The following CDKL5 variants were observed in gnomAD, a reference collection of about 807,000 sequenced individuals.
The protein encoded by CDKL5 is cyclin dependent kinase like 5.
CDKL5 carries 8 observed loss-of-function variants against 61.7 expected under a neutral mutation model. That is an observed-to-expected ratio of 0.13 (90% confidence interval 0.08 to 0.23). The LOEUF is 0.23. Among genes scored for constraint, CDKL5 ranks in the 10% least tolerant of loss-of-function variants. The probability of loss-of-function intolerance (pLI) is 1.00; values close to 1 mark genes in which losing one functional copy is unlikely to be tolerated. For missense variants in CDKL5, 440 were observed against 734.5 expected (o/e 0.60, Z 4.63); for synonymous variants, 275 against 272.3 (o/e 1.01, Z -0.10).
At chrX:18,432,963 C>T in intron 1 of CDKL5, among the ~76,000 whole-genome samples, 1 of 112,054 alleles carries the variant, frequency 8.9e-6, no homozygotes, top group Non-Finnish European at 1.9e-5. Context: ...GTGGGTGGCT[C>T]ACGCCTGTAA....
At chrX:18,555,404 A>G (rs955070788) in intron 3 of CDKL5, among the ~76,000 whole-genome samples, 2 of 112,403 alleles carry the variant, frequency 1.8e-5, no homozygotes, top group Non-Finnish European at 3.8e-5. Context: ...GCACAAAACG[A>G]TACAATTTAT....
At chrX:18,577,649 T>C (rs1261530366) in intron 5 of CDKL5, among the ~76,000 whole-genome samples, 1 of 111,778 alleles carries the variant, frequency 8.9e-6, no homozygotes, top group Non-Finnish European at 1.9e-5. Context: ...GGCCAGGACA[T>C]AGTTGCATGA....
chrX:18,607,986 A>G (rs1926418572), intron 12 of CDKL5, among the ~76,000 whole-genome samples: 1 of 112,141 alleles, frequency 8.9e-6, no homozygotes, highest in African/African-American at 3.2e-5. Context: ...GCTTAAGGTA[A>G]TGCCCTTTTC....
At chrX:18,609,426 T>G in intron 13 of CDKL5, 39 bp from the exon 14 acceptor site, 1 of 1,211,219 alleles carries the variant, frequency 8.3e-7, no homozygotes, top group Non-Finnish European at 1.1e-6. Context: ...TTGTCATCAA[T>G]GTGTGGCTTA....
intron 16 of CDKL5, among the ~76,000 whole-genome samples, chrX:18,622,335 C>A (rs1255525490): frequency 1.8e-5 from 2 of 111,742 alleles, no homozygotes; most frequent in Non-Finnish European, 3.8e-5. Context: ...TAAGCTTTAC[C>A]AACCCAAAAG....
In CDKL5 at chrX:18,631,061, T is replaced by C. The variant is rs745784114; in HGVS notation, c.*2304T>C. 312 of 749,558 alleles carry C rather than the reference T, an allele frequency of 4.2e-4. No individual in the cohort carries two copies. Among genetic ancestry groups the C allele is most frequent in the Non-Finnish European group, 4.8e-4 (304 of 638,490 alleles). 61.8% of individuals were successfully genotyped at this position (749,558 alleles called of 1,213,427 possible). A position where few individuals can be genotyped will look rare whatever the true frequency, so the allele number is the denominator to read the frequency against. The stretch of plus-strand genomic sequence containing the variant: ...ACTGCACGGTCCCGTTGCCATGCTG[T>C]GGCATTCGAGGCTCGTCACCTAGGG... On this transcript the variant is annotated 3_prime_UTR_variant, in exon 18 of 18. Transcript: ENST00000623535.
At chrX:18,514,025 T>C (rs754400916) in intron 3 of CDKL5, among the ~76,000 whole-genome samples, 1 of 111,671 alleles carries the variant, frequency 9.0e-6, no homozygotes, top group Admixed American at 9.6e-5. Context: ...TTTGAAAAGG[T>C]TGACTGGGGG....
chrX:18,557,187 A>G (rs1035386456), intron 3 of CDKL5, among the ~76,000 whole-genome samples: 2 of 111,808 alleles, frequency 1.8e-5, no homozygotes, highest in Non-Finnish European at 3.8e-5. Flanking sequence ...ACATCGATGA[A>G]TTCAACCATC....
At chrX:18,532,063 A>G (rs2147109858) in intron 3 of CDKL5, among the ~76,000 whole-genome samples, 1 of 112,245 alleles carries the variant, frequency 8.9e-6, no homozygotes, top group Non-Finnish European at 1.9e-5. Context: ...GTATGGGTTG[A>G]TGCTGAAACT....
intron 1 of CDKL5, among the ~76,000 whole-genome samples, chrX:18,465,658 G>T (rs1007162792): frequency 9.9e-5 from 11 of 111,384 alleles, no homozygotes; most frequent in African/African-American, 3.6e-4. Flanking sequence ...GATAGAGTGA[G>T]ACTCTGTCTC....
At chrX:18,596,034 CCTT>C (rs1925982541) in intron 10 of CDKL5, among the ~76,000 whole-genome samples, 1 of 111,353 alleles carries the variant, frequency 9.0e-6, no homozygotes, top group Non-Finnish European at 1.9e-5. Flanking sequence ...ACAGTCGGCT[CCTT>C]GAGTGGGAAC....
intron 1 of CDKL5, among the ~76,000 whole-genome samples, chrX:18,429,819 A>G (rs1458476728): frequency 5.4e-5 from 6 of 111,115 alleles, no homozygotes; most frequent in Non-Finnish European, 1.1e-4. Context: ...TTTATTTTTA[A>G]TAGAGGCGGG....
chrX:18,438,096 T>C (rs757173666), intron 1 of CDKL5, among the ~76,000 whole-genome samples: 4 of 111,632 alleles, frequency 3.6e-5, no homozygotes, highest in Non-Finnish European at 5.7e-5. Context: ...GACGGAGTCT[T>C]GTTCTCTTGC....
intron 20 of CDKL5, among the ~76,000 whole-genome samples, chrX:18,647,994 G>A (rs1027543553): frequency 9.0e-6 from 1 of 111,628 alleles, no homozygotes; most frequent in Non-Finnish European, 1.9e-5. Flanking sequence ...TGGTTCTTCT[G>A]TGTTGATTGT....
rs776923152 is a variant in CDKL5 at position 18,639,521 on chromosome X, T to G, written c.*10764T>G. Among the ~76,000 whole-genome samples, 1 of 112,278 alleles carries G rather than the reference T, an allele frequency of 8.9e-6. No homozygotes were observed. The highest frequency in any genetic ancestry group is 3.2e-5 in the African/African-American group (1 of 30,962). On this transcript the variant is annotated 3_prime_UTR_variant, in exon 18 of 18. Transcript: ENST00000623535. Reference sequence around the variant, plus strand: ...GGACAGTAACAAGTGTTGCTGAGGATGTGGAGAAAGTGGAAGCCTCCTACA... The same window carrying G: ...GGACAGTAACAAGTGTTGCTGAGGAGGTGGAGAAAGTGGAAGCCTCCTACA...
chrX:18,631,298 A>C lies in CDKL5; in HGVS notation c.*2541A>C. The C allele has an allele frequency of 1.3e-6, 1 of 754,279 alleles. No individual in the cohort carries two copies. The highest frequency in any genetic ancestry group is 1.6e-6 in the Non-Finnish European group (1 of 639,068). The allele number at this position is 754,279 out of a possible 1,213,427, so 62.2% of individuals were successfully genotyped here. Reference sequence around the variant, plus strand: ...CTACAGATATCTACAAATGTTTTCAACCAGTGTTTTCGAGGTAGCTCTTTA... The same window carrying C: ...CTACAGATATCTACAAATGTTTTCACCCAGTGTTTTCGAGGTAGCTCTTTA... On this transcript the variant is annotated 3_prime_UTR_variant, in exon 18 of 18. Coordinates refer to ENST00000623535, the MANE Select transcript of CDKL5 (RefSeq NM_001323289.2).
intron 1 of CDKL5, among the ~76,000 whole-genome samples, chrX:18,445,989 G>A (rs767426991): frequency 1.1e-4 from 12 of 109,466 alleles, no homozygotes; most frequent in Non-Finnish European, 2.3e-4. Flanking sequence ...CATTTAATAC[G>A]TTTTTCTGTC....
At chrX:18,612,454 G>T (rs1412928834) in intron 14 of CDKL5, among the ~76,000 whole-genome samples, 1 of 110,493 alleles carries the variant, frequency 9.1e-6, no homozygotes, top group Non-Finnish European at 1.9e-5. Context: ...GATCACTTGA[G>T]CTCGAGAGTT....
intron 1 of CDKL5, among the ~76,000 whole-genome samples, chrX:18,437,062 C>T (rs1724264592): frequency 1.8e-5 from 2 of 110,266 alleles, no homozygotes; most frequent in African/African-American, 3.3e-5. Context: ...TCCTGGGAAA[C>T]GGTTGAAGAT....
Sources: allele counts gnomAD v4.1 joint callset (sites outside exome capture counted in the v4.1 genomes callset), GRCh38; gene constraint gnomAD v4.1.1; transcripts MANE v1.5; gene names NCBI Gene and HGNC (gene_info 2026-07-23, HGNC 2026-07-21).